The following EPYC variants were observed in gnomAD, a reference collection of about 807,000 sequenced individuals.
EPYC encodes the protein epiphycan, also known as dermatan sulfate proteoglycan 3.
EPYC carries 28 observed loss-of-function variants against 30.1 expected under a neutral mutation model. The observed-to-expected ratio is 0.93, with a 90% CI of 0.69 to 1.28. The LOEUF is 1.28. EPYC is among the 50% of genes most tolerant of loss of function. The pLI is 0.00. For missense variants in EPYC, 382 were observed against 383.5 expected (o/e 1.00, Z 0.03); for synonymous variants, 144 against 141.4 (o/e 1.02, Z -0.13).
intron 2 of EPYC, among the ~76,000 whole-genome samples, chr12:90,979,800 G>C (rs1877281333): frequency 6.6e-6 from 1 of 152,074 alleles, no homozygotes; most frequent in Non-Finnish European, 1.5e-5. Flanking sequence ...AGTACTTATT[G>C]AAGTATAATT....
At chr12:90,972,789 A>C (rs1877084956) in intron 4 of EPYC, 33 bp downstream of exon 4, 2 of 1,583,854 alleles carry the variant, frequency 1.3e-6, no homozygotes, top group African/African-American at 2.7e-5. Context: ...AAGTGTGTAA[A>C]GCGGTGAAGG....
intron 6 of EPYC, among the ~76,000 whole-genome samples, chr12:90,967,873 G>A (rs946180016): frequency 6.6e-6 from 1 of 152,056 alleles, no homozygotes; most frequent in Non-Finnish European, 1.5e-5. Context: ...TGGGAGACTA[G>A]GGTGGAAAAT....
intron 2 of EPYC, among the ~76,000 whole-genome samples, chr12:90,999,935 TTA>T (rs1877784949): frequency 1.3e-5 from 2 of 152,102 alleles, no homozygotes; most frequent in African/African-American, 4.8e-5. Flanking sequence ...TCTTTTTTTC[TTA>T]GATAATGGAT....
intron 2 of EPYC, among the ~76,000 whole-genome samples, chr12:90,993,593 A>C (rs189877509): frequency 4.1e-4 from 63 of 152,140 alleles, no homozygotes; most frequent in Non-Finnish European, 8.8e-4. Flanking sequence ...ATTTTGATGT[A>C]TCTATCTGAC....
chr12:90,964,750 G>A (rs1198606261), intron 6 of EPYC, among the ~76,000 whole-genome samples: 3 of 152,086 alleles, frequency 2.0e-5, no homozygotes, highest in Non-Finnish European at 4.4e-5. Context: ...AGAGTCCTGA[G>A]GAATCAACAT....
intron 2 of EPYC, among the ~76,000 whole-genome samples, chr12:90,993,608 G>A (rs1275243493): frequency 3.3e-5 from 5 of 151,714 alleles, no homozygotes; most frequent in African/African-American, 1.2e-4. Context: ...TCTGACTCCT[G>A]GCTTTGTATT....
chr12:90,982,602 T>C (rs1877347956), intron 2 of EPYC, among the ~76,000 whole-genome samples: 1 of 152,128 alleles, frequency 6.6e-6, no homozygotes, highest in East Asian at 1.9e-4. Context: ...CCTCTTTAAC[T>C]GTAATTATGT....
At position 90,970,021 on chromosome 12, in the gene EPYC, G is replaced by A. The variant is rs201705652; in HGVS notation, c.798+23C>T. The A allele has an allele frequency of 4.4e-4, 687 of 1,569,542 alleles. 3 individuals carry two copies. The African/African-American group carries it at 8.3e-3, about 19-fold the overall frequency. On this transcript the variant is annotated intron_variant, in intron 6 of 6. Coordinates refer to ENST00000261172, the MANE Select transcript of EPYC (RefSeq NM_004950.5). ...TTTGCTTTCTCTGAAGCCCTTGGGCGCACCTTACTGGTAGACTCCTACCTG... is the reference window on the plus strand; with the variant it reads ...TTTGCTTTCTCTGAAGCCCTTGGGCACACCTTACTGGTAGACTCCTACCTG...
Position 90,964,338 on chromosome 12 carries a change from GA to G in EPYC, c.799-13del. 6.3e-7 allele frequency: 1 copy of G among 1,583,316 alleles called. No homozygotes were observed. The highest frequency in any genetic ancestry group is 8.7e-7 in the Non-Finnish European group (1 of 1,154,036). ...AGAATGTTGTTATTCTAAAAAAGAT[GA>G]AAATAAATTATGACAAGATATAACA... is the stretch of plus-strand genomic sequence containing the variant. On this transcript the variant is annotated splice_polypyrimidine_tract_variant and intron_variant, in intron 6 of 6. Transcript: ENST00000261172.
intron 2 of EPYC, among the ~76,000 whole-genome samples, chr12:90,978,918 A>G (rs1877260577): frequency 6.6e-6 from 1 of 152,194 alleles, no homozygotes; most frequent in Non-Finnish European, 1.5e-5. Context: ...AAAATAACAA[A>G]TATTGTAATG....
chr12:90,964,943 A>G (rs995772685), intron 6 of EPYC, among the ~76,000 whole-genome samples: 1 of 152,160 alleles, frequency 6.6e-6, no homozygotes, highest in East Asian at 1.9e-4. Flanking sequence ...TCAGTGTTTT[A>G]TAGTGTATTA....
chr12:90,996,238 G>A (rs1013873068), intron 2 of EPYC, among the ~76,000 whole-genome samples: 1 of 151,696 alleles, frequency 6.6e-6, no homozygotes, highest in Non-Finnish European at 1.5e-5. Context: ...AAAAACTAAT[G>A]TTAAGATACT....
intron 3 of EPYC, among the ~76,000 whole-genome samples, chr12:90,973,183 A>G (rs1474975074): frequency 7.0e-6 from 1 of 143,254 alleles, no homozygotes; most frequent in Non-Finnish European, 1.5e-5. Context: ...TCAATGTAAC[A>G]TTTTAAAAAT....
chr12:90,997,034 C>T (rs1877709036), intron 2 of EPYC, among the ~76,000 whole-genome samples: 1 of 151,974 alleles, frequency 6.6e-6, no homozygotes, highest in Admixed American at 6.6e-5. Context: ...CAAGCACACT[C>T]AGTTACCAAT....
At chr12:90,975,616 C>T (rs1324792684) in intron 3 of EPYC, among the ~76,000 whole-genome samples, 1 of 151,994 alleles carries the variant, frequency 6.6e-6, no homozygotes, top group East Asian at 1.9e-4. Flanking sequence ...TTGACTCAAG[C>T]TTTTGAAAGG....
chr12:90,973,010 G>C, intron 3 of EPYC, 30 bp from the exon 4 acceptor site: 2 of 1,453,400 alleles, frequency 1.4e-6, no homozygotes, highest in Non-Finnish European at 1.9e-6. Context: ...AAAATTAAAT[G>C]TAAGTACCAA....
chr12:90,965,136 G>A lies in EPYC; in HGVS notation c.799-810C>T, dbSNP rs572435561. ...AAATTTTTTGGTACTGAGTTCTTTCGCTTAGTATTGTGTTTTCAAAGTTCA... is the reference window on the plus strand; with the variant it reads ...AAATTTTTTGGTACTGAGTTCTTTCACTTAGTATTGTGTTTTCAAAGTTCA... On this transcript the variant is annotated intron_variant, in intron 6 of 6. Coordinates refer to ENST00000261172, the MANE Select transcript of EPYC (RefSeq NM_004950.5). Among the ~76,000 whole-genome samples the A allele has an allele frequency of 4.1e-4, 62 of 152,046 alleles. 1 individual carries two copies. Among genetic ancestry groups the A allele is most frequent in the African/African-American group, 1.4e-3 (60 of 41,476 alleles).
chr12:91,002,331 G>A (rs1877850650), intron 2 of EPYC, 70 bp downstream of exon 2: 2 of 1,347,352 alleles, frequency 1.5e-6, no homozygotes, highest in Non-Finnish European at 2.0e-6. Flanking sequence ...ACATCTATTT[G>A]AGGAAAACAG....
chr12:90,986,253 C>T (rs374237279), intron 2 of EPYC, among the ~76,000 whole-genome samples: 5 of 152,022 alleles, frequency 3.3e-5, no homozygotes, highest in African/African-American at 1.2e-4. Flanking sequence ...AAAGACCCCA[C>T]CACTCTTCTT....
Sources: allele counts gnomAD v4.1 joint callset (sites outside exome capture counted in the v4.1 genomes callset), GRCh38; gene constraint gnomAD v4.1.1; transcripts MANE v1.5; gene names NCBI Gene and HGNC (gene_info 2026-07-23, HGNC 2026-07-21).